The following COLEC10 variants were observed in gnomAD, a reference collection of about 807,000 sequenced individuals.
COLEC10 encodes the protein collectin subfamily member 10, also known as collectin-10.
A neutral mutation model predicts 28.4 loss-of-function variants in COLEC10; 22 were observed. That is an observed-to-expected ratio of 0.78 (90% CI 0.55 to 1.11). COLEC10 has a LOEUF of 1.11. Ranked by LOEUF, COLEC10 falls within the 50% of genes least tolerant of loss-of-function variation. The pLI is 0.00. For missense variants in COLEC10, 361 were observed against 344.1 expected (o/e 1.05, Z -0.39); for synonymous variants, 125 against 116.1 (o/e 1.08, Z -0.49).
chr8:119,100,498 T>C (rs1040704813), intron 3 of COLEC10, among the ~76,000 whole-genome samples: 2 of 152,196 alleles, frequency 1.3e-5, no homozygotes, highest in Non-Finnish European at 2.9e-5. Context: ...ATTTGCAGGA[T>C]ATAACTAAGG....
At chr8:118,953,028 G>A in the COLEC10 span, among the ~76,000 whole-genome samples, 1 of 152,154 alleles carries the variant, frequency 6.6e-6, no homozygotes, top group Non-Finnish European at 1.5e-5. Flanking sequence ...CAGATTCAAG[G>A]GAAGGAAGGT....
At chr8:118,976,243 T>G in the COLEC10 span, among the ~76,000 whole-genome samples, 1 of 152,082 alleles carries the variant, frequency 6.6e-6, no homozygotes. Context: ...ACACTGGTTT[T>G]GAACATTTAG....
chr8:118,992,317 G>T (rs758470983), upstream of COLEC10, among the ~76,000 whole-genome samples: 28 of 152,130 alleles, frequency 1.8e-4, no homozygotes, highest in Non-Finnish European at 3.2e-4. Context: ...TCTCTTCAAT[G>T]GAAAAGCTTT....
chr8:119,092,262 G>A (rs1373042213), intron 3 of COLEC10, among the ~76,000 whole-genome samples: 1 of 151,842 alleles, frequency 6.6e-6, no homozygotes, highest in Non-Finnish European at 1.5e-5. Context: ...GTAGAGACAG[G>A]GGTTTCTCTG....
chr8:119,039,134 C>A (rs1814445000), intron 2 of COLEC10, among the ~76,000 whole-genome samples: 1 of 152,110 alleles, frequency 6.6e-6, no homozygotes, highest in Non-Finnish European at 1.5e-5. Context: ...TCCATCCATG[C>A]AGAACCTTCA....
At chr8:119,049,753 G>A (rs73709542) in intron 2 of COLEC10, among the ~76,000 whole-genome samples, 2,540 of 152,146 alleles carry the variant, frequency 0.017, 83 homozygotes, top group African/African-American at 0.058. Context: ...TACATTATTG[G>A]TTCTGAAAGA....
intron 1 of COLEC10, among the ~76,000 whole-genome samples, chr8:119,086,379 G>A (rs562215154): frequency 1.4e-4 from 14 of 99,486 alleles, no homozygotes; most frequent in East Asian, 3.6e-4. Context: ...GAGCCAGGTC[G>A]GCGGGGAGGT....
intron 3 of COLEC10, among the ~76,000 whole-genome samples, chr8:119,098,992 G>A (rs1815771326): frequency 6.6e-6 from 1 of 152,024 alleles, no homozygotes; most frequent in Non-Finnish European, 1.5e-5. Flanking sequence ...TGCATGGATA[G>A]GGTAGCTTCC....
intron 1 of COLEC10, among the ~76,000 whole-genome samples, chr8:119,083,089 T>C (rs1475155093): frequency 6.6e-6 from 1 of 152,114 alleles, no homozygotes; most frequent in Non-Finnish European, 1.5e-5. Context: ...AAACCAAACT[T>C]ACACTCGTCA....
At chr8:119,004,794 C>T (rs1320917514) in intron 1 of COLEC10, among the ~76,000 whole-genome samples, 2 of 151,766 alleles carry the variant, frequency 1.3e-5, no homozygotes, top group Non-Finnish European at 2.9e-5. Context: ...ATTTCTTATA[C>T]TTTTGCTTTC....
At chr8:118,953,783 A>T in the COLEC10 span, among the ~76,000 whole-genome samples, 12 of 152,222 alleles carry the variant, frequency 7.9e-5, no homozygotes, top group Admixed American at 7.9e-4. Flanking sequence ...AATACCTAAG[A>T]TACTGGCCTT....
rs537386824 is a variant in COLEC10, at chr8:119,069,936, G to T, written c.148+2507G>T. 1.1e-4 allele frequency among the ~76,000 whole-genome samples: 16 copies of T among 151,976 alleles called. No homozygotes were observed. In the South Asian group the frequency reaches 3.3e-3, roughly 32 times the overall value. Reference sequence around the variant, plus strand: ...GTGCTCAGAAGTTTCTAGATACTCTGGGAAACAGTGAAATGAATTTTCCCT... The same window carrying T: ...GTGCTCAGAAGTTTCTAGATACTCTTGGAAACAGTGAAATGAATTTTCCCT... On this transcript the variant is annotated intron_variant, in intron 1 of 5. Coordinates refer to ENST00000332843, the MANE Select transcript of COLEC10 (RefSeq NM_006438.5).
At chr8:118,987,019 G>A in the COLEC10 span, among the ~76,000 whole-genome samples, 11 of 151,856 alleles carry the variant, frequency 7.2e-5, no homozygotes, top group African/African-American at 2.7e-4. Flanking sequence ...ACTTTTAAAA[G>A]ATTAATTTTA....
At chr8:119,018,966 C>T (rs1346092697) in intron 2 of COLEC10, among the ~76,000 whole-genome samples, 5 of 152,044 alleles carry the variant, frequency 3.3e-5, no homozygotes, top group Admixed American at 2.0e-4. Context: ...TTCATATGCT[C>T]GAAGCCTTTT....
chr8:118,981,392 A>T, the COLEC10 span, among the ~76,000 whole-genome samples: 1 of 152,134 alleles, frequency 6.6e-6, no homozygotes, highest in African/African-American at 2.4e-5. Flanking sequence ...TTTGTTTAAA[A>T]AAATTTATCA....
chr8:119,105,479 G>C (rs1315734903), intron 5 of COLEC10, among the ~76,000 whole-genome samples: 1 of 152,156 alleles, frequency 6.6e-6, no homozygotes, highest in African/African-American at 2.4e-5. Context: ...CACCAGTATA[G>C]CTAAAGCATA....
At chr8:119,051,620 A>T (rs1814676918) in intron 2 of COLEC10, among the ~76,000 whole-genome samples, 1 of 152,238 alleles carries the variant, frequency 6.6e-6, no homozygotes, top group Non-Finnish European at 1.5e-5. Context: ...AATACGCAGT[A>T]GATAAAAGAT....
the COLEC10 span, among the ~76,000 whole-genome samples, chr8:118,961,285 T>G: frequency 6.6e-6 from 1 of 152,186 alleles, no homozygotes; most frequent in Admixed American, 6.5e-5. Context: ...CTCTCAAAAA[T>G]CCCATGGTTC....
At chr8:119,080,345 C>T (rs1337734046) in intron 1 of COLEC10, among the ~76,000 whole-genome samples, 1 of 152,152 alleles carries the variant, frequency 6.6e-6, no homozygotes. Flanking sequence ...AGTTTTTGGA[C>T]AACAGTCAAG....
Sources: allele counts gnomAD v4.1 joint callset (sites outside exome capture counted in the v4.1 genomes callset), GRCh38; gene constraint gnomAD v4.1.1; transcripts MANE v1.5; gene names NCBI Gene and HGNC (gene_info 2026-07-23, HGNC 2026-07-21).